KLHL24: variants seen among roughly 807,000 people sequenced by gnomAD.
KLHL24 encodes kelch like family member 24.
KLHL24 carries 29 observed loss-of-function variants against 53.4 expected under a neutral mutation model. The ratio of observed to expected loss-of-function variants is 0.54; its 90% CI spans 0.40 to 0.74. KLHL24 has a LOEUF of 0.74. Ranked by LOEUF, KLHL24 falls within the 30% of genes least tolerant of loss-of-function variation. The probability of loss-of-function intolerance (pLI) is 0.00; values close to 1 mark genes in which losing one functional copy is unlikely to be tolerated. For missense variants in KLHL24, 504 were observed against 744.0 expected (o/e 0.68, Z 3.75); for synonymous variants, 222 against 253.7 (o/e 0.88, Z 1.19).
chr3:183,635,675 G>C lies in KLHL24; in HGVS notation c.-243G>C, dbSNP rs1243564161. The C allele has an allele frequency of 6.5e-6, 1 of 152,910 alleles. No individual in the cohort carries two copies. Among genetic ancestry groups the C allele is most frequent in the Non-Finnish European group, 1.5e-5 (1 of 68,652 alleles). 9.5% of individuals were successfully genotyped at this position (152,910 alleles called of 1,614,324 possible). On this transcript the variant is annotated 5_prime_UTR_variant, in exon 1 of 8. Transcript: ENST00000242810. ...CTGGAGGAGACGCCGGCGCTGGAGAGTGCGCTGCGCCGCCCGCCGCTGAGG... is the reference window on the plus strand; with the variant it reads ...CTGGAGGAGACGCCGGCGCTGGAGACTGCGCTGCGCCGCCCGCCGCTGAGG...
intron 7 of KLHL24, among the ~76,000 whole-genome samples, chr3:183,678,482 C>A (rs887921605): frequency 6.6e-6 from 1 of 152,044 alleles, no homozygotes; most frequent in African/African-American, 2.4e-5. Flanking sequence ...ATCCTACCTC[C>A]CACATCTTGG....
chr3:183,647,501 A>C (rs372656783), intron 2 of KLHL24, among the ~76,000 whole-genome samples: 1 of 151,546 alleles, frequency 6.6e-6, no homozygotes, highest in African/African-American at 2.4e-5. Flanking sequence ...TCACGAGGTC[A>C]GGAGATTTAG....
At chr3:183,664,389 C>T (rs1418241688) in intron 4 of KLHL24, among the ~76,000 whole-genome samples, 1 of 151,838 alleles carries the variant, frequency 6.6e-6, no homozygotes, top group Non-Finnish European at 1.5e-5. Flanking sequence ...GATATGTTAC[C>T]TTTAAAATTA....
At chr3:183,672,997 AAAATAAAT>A (rs1033413815) in intron 7 of KLHL24, 1 of 152,148 alleles carries the variant, frequency 6.6e-6, no homozygotes, top group South Asian at 2.1e-4. Context: ...CTCCGTCTCA[AAAATAAAT>A]AAATAAATAA....
intron 3 of KLHL24, among the ~76,000 whole-genome samples, chr3:183,653,263 C>T (rs185334168): frequency 6.7e-6 from 1 of 149,082 alleles, no homozygotes; most frequent in African/African-American, 2.5e-5. Flanking sequence ...CATGAGTAAT[C>T]CTTTATTTTA....
At chr3:183,671,543 G>A (rs1721327970) in intron 6 of KLHL24, among the ~76,000 whole-genome samples, 1 of 152,184 alleles carries the variant, frequency 6.6e-6, no homozygotes. Context: ...ACACAGTTGA[G>A]AAGTGAATTA....
chr3:183,650,394 A>C lies in KLHL24; in HGVS notation c.38A>C (p.Asp13Ala). 1 of 1,614,144 alleles carries C rather than the reference A, an allele frequency of 6.2e-7. No individual in the cohort carries two copies. The highest frequency in any genetic ancestry group is 8.5e-7 in the Non-Finnish European group (1 of 1,180,006). Reference protein sequence around the residue: ...LILGRRLNREDLGVRDSPATK... With the variant: ...LILGRRLNREALGVRDSPATK... ...TTGGGACGCAGACTAAACAGAGAGG[A>C]TCTTGGGGTGCGTGATTCCCCAGCA... The change falls in exon 3 of 8, where the codon GAT (aspartate) becomes GCT (alanine). Residue 13 changes from aspartate (D) to alanine (A), a missense_variant. Physicochemically the swap from Asp to Ala is moderately radical, Grantham distance 126. Coordinates refer to ENST00000242810, the MANE Select transcript of KLHL24 (RefSeq NM_017644.3). The surrounding 1 kb of genome is among the most constrained non-coding windows in gnomAD (Gnocchi z 4.5).
chr3:183,667,077 G>A (rs990048293), intron 5 of KLHL24, among the ~76,000 whole-genome samples: 17 of 152,112 alleles, frequency 1.1e-4, no homozygotes, highest in Admixed American at 1.1e-3. Context: ...TTCTTGGTCA[G>A]CCTCTTACTA....
intron 5 of KLHL24, 113 bp downstream of exon 5, chr3:183,665,152 C>A: frequency 1.5e-6 from 1 of 647,138 alleles, no homozygotes. Context: ...ATTGTATTTC[C>A]TTCCATTTCT....
Position 183,681,406 on chromosome 3 carries a change from T to C in KLHL24, c.*2120T>C, listed in dbSNP as rs1712662160. On this transcript the variant is annotated 3_prime_UTR_variant, in exon 8 of 8. Coordinates refer to ENST00000242810, the MANE Select transcript of KLHL24 (RefSeq NM_017644.3). ...AAAAAAGACTTTCTCAAGACAACTT[T>C]ATATTCTAGTATTTTTCTGTTGTAA... is the stretch of plus-strand genomic sequence containing the variant. The C allele has an allele frequency of 6.6e-6, 1 of 152,264 alleles. No homozygotes were observed. Among genetic ancestry groups the C allele is most frequent in the Non-Finnish European group, 1.5e-5 (1 of 67,842 alleles). The allele number at this position is 152,264 out of a possible 1,614,324, so 9.4% of individuals were successfully genotyped here. A position where few individuals can be genotyped will look rare whatever the true frequency, so the allele number is the denominator to read the frequency against.
Position 183,650,610 on chromosome 3 carries a change from C to T in KLHL24, c.254C>T (p.Ser85Leu). Residue 85 changes from serine (S) to leucine (L), a missense_variant, in exon 3 of 8, where the codon TCA becomes TTA. Ser to Leu is a moderately radical substitution (Grantham distance 145). Transcript: ENST00000242810. The surrounding 1 kb of genome is among the most constrained non-coding windows in gnomAD (Gnocchi z 4.5). ...TTTCCTTGCCATAGAGCTGTGCTCT[C>T]AGCCTGTAGCAGCTACTTCAGAGCT... The part of the protein sequence containing the change: ...KEFPCHRAVL[S>L]ACSSYFRAMF... 6.2e-7 allele frequency: 1 copy of T among 1,614,140 alleles called. No individual in the cohort carries two copies. Among genetic ancestry groups the T allele is most frequent in the East Asian group, 2.2e-5 (1 of 44,884 alleles).
At chr3:183,660,120 C>T (rs918054874) in intron 3 of KLHL24, among the ~76,000 whole-genome samples, 1 of 144,504 alleles carries the variant, frequency 6.9e-6, no homozygotes, top group Non-Finnish European at 1.5e-5. Context: ...AAACCTTTGG[C>T]GTTTTTCTTT....
Position 183,671,087 on chromosome 3 carries a change from T to C in KLHL24, c.1278T>C (p.Cys426=). The C allele has an allele frequency of 6.2e-7, 1 of 1,614,100 alleles. No individual in the cohort carries two copies. Among genetic ancestry groups the C allele is most frequent in the Non-Finnish European group, 8.5e-7 (1 of 1,179,990 alleles). Residue 426 remains cysteine (C), a synonymous_variant, in exon 6 of 8, where the codon TGT becomes TGC. Transcript: ENST00000242810. ...DGQNRLSSVE[C]YDSFSNRWTE... is the part of the protein sequence containing the mutation. ...AAAACAGACTTAGCAGCGTAGAATG[T>C]TATGATTCCTTTTCAAATCGATGGA...
At position 183,682,957 on chromosome 3, in the gene KLHL24, A is replaced by C. The variant is rs1373871245; in HGVS notation, c.*3671A>C. The C allele has an allele frequency of 8.9e-6, 1 of 112,780 alleles. No individual in the cohort carries two copies. Among genetic ancestry groups the C allele is most frequent in the Non-Finnish European group, 1.9e-5 (1 of 53,300 alleles). 7.0% of individuals were successfully genotyped at this position (112,780 alleles called of 1,614,324 possible). Reference sequence around the variant, plus strand: ...TTTTCGTTTTTTTTTTTTTTTGGGGAAGGGGGGAGAACGGGGTCTTGCTCT... The same window carrying C: ...TTTTCGTTTTTTTTTTTTTTTGGGGCAGGGGGGAGAACGGGGTCTTGCTCT... On this transcript the variant is annotated 3_prime_UTR_variant, in exon 8 of 8. Transcript: ENST00000242810.
chr3:183,656,059 T>TTTTTTTTTTTTTC (rs1178459038), intron 3 of KLHL24, among the ~76,000 whole-genome samples: 1 of 135,766 alleles, frequency 7.4e-6, no homozygotes, highest in Non-Finnish European at 1.6e-5. Context: ...TTTTTTTTTT[T>TTTTTTTTTTTTTC]TTTCTGAGAC....
At chr3:183,665,144 T>C (rs936315902) in intron 5 of KLHL24, 105 bp downstream of exon 5, 4 of 661,738 alleles carry the variant, frequency 6.0e-6, no homozygotes. Context: ...GGATTCAAAT[T>C]GTATTTCCTT....
At chr3:183,646,693 G>C (rs1352698735) in intron 2 of KLHL24, among the ~76,000 whole-genome samples, 1 of 152,162 alleles carries the variant, frequency 6.6e-6, no homozygotes, top group Non-Finnish European at 1.5e-5. Flanking sequence ...GATATGAAGA[G>C]AATTTTTAAA....
At chr3:183,655,936 A>C (rs911980331) in intron 3 of KLHL24, among the ~76,000 whole-genome samples, 1 of 151,656 alleles carries the variant, frequency 6.6e-6, no homozygotes, top group Non-Finnish European at 1.5e-5. Flanking sequence ...TTAAAAAAAA[A>C]TTATTATTAA....
Position 183,650,801 on chromosome 3 carries a change from A to G in KLHL24, c.445A>G (p.Ser149Gly). ...TGAGACATCAAGCCTCTTTCAGATT[A>G]GTGTTCTCCGTGATGCATGTGCCAA... ...LFETSSLFQISVLRDACAKFL... is the reference protein window; with the variant it reads ...LFETSSLFQIGVLRDACAKFL... The change falls in exon 3 of 8, where the codon AGT becomes GGT. Residue 149 changes from serine to glycine, a missense_variant. Physicochemically the swap from Ser to Gly is moderately conservative, Grantham distance 56. Transcript: ENST00000242810. This position sits in a 1 kb window ranked among gnomAD's most constrained non-coding sequence, Gnocchi z 4.5. 1 of 1,613,998 alleles carries G rather than the reference A, an allele frequency of 6.2e-7. No individual in the cohort carries two copies. The highest frequency in any genetic ancestry group is 1.1e-5 in the South Asian group (1 of 91,082).
Sources: gnomAD v4.1 joint callset for allele counts (sites outside exome capture counted in the v4.1 genomes callset) on GRCh38, gnomAD v4.1.1 for gene constraint, Gnocchi (gnomAD v3.1) non-coding constraint, MANE v1.5 for transcripts, NCBI Gene and HGNC (gene_info 2026-07-23, HGNC 2026-07-21) for gene names.